The following NLRP9 variants were observed in gnomAD, a reference collection of about 807,000 sequenced individuals.
NLRP9 encodes NLR family pyrin domain containing 9.
NLRP9 carries 88 observed loss-of-function variants against 83.1 expected under a neutral mutation model. The observed-to-expected ratio is 1.06, with a 90% confidence interval of 0.89 to 1.26. The LOEUF is 1.26. Ranked by LOEUF, NLRP9 falls within the 50% of genes most tolerant of loss-of-function variation. The pLI is 0.00. For synonymous variants in NLRP9, 521 were observed against 447.6 expected, an observed-to-expected ratio of 1.16 and a Z score of -2.07; for missense variants, 1,308 against 1,179.3, an observed-to-expected ratio of 1.11 and a Z score of -1.60.
chr19:55,719,181 G>C (rs1314930076), intron 4 of NLRP9, among the ~76,000 whole-genome samples: 1 of 152,172 alleles, frequency 6.6e-6, no homozygotes, highest in African/African-American at 2.4e-5. Flanking sequence ...TGCTAGAGTG[G>C]ATCACAGACC....
Position 55,708,805 on chromosome 19 carries a change from A to G in NLRP9, c.*107T>C, listed in dbSNP as rs766905800. ...ACACTTAGGGAGTACCTCTGAAATC[A>G]CAGCCCTGCTGCCATGATGTGCAAT... On this transcript the variant is annotated 3_prime_UTR_variant, in exon 9 of 9. Coordinates refer to ENST00000332836, the MANE Select transcript of NLRP9 (RefSeq NM_176820.4). 1.7e-5 allele frequency: 12 copies of G among 723,282 alleles called. No homozygotes were observed. Among genetic ancestry groups the G allele is most frequent in the Non-Finnish European group, 2.4e-5 (11 of 453,198 alleles). 44.8% of individuals were successfully genotyped at this position (723,282 alleles called of 1,614,324 possible). A position where few individuals can be genotyped will look rare whatever the true frequency, so the allele number is the denominator to read the frequency against.
chr19:55,716,529 G>A (rs1988020122), intron 5 of NLRP9, among the ~76,000 whole-genome samples, 199 bp downstream of exon 5: 1 of 152,094 alleles, frequency 6.6e-6, no homozygotes, highest in Non-Finnish European at 1.5e-5. Context: ...AAAGTGCTGG[G>A]ATTACAGGCA....
intron 2 of NLRP9, among the ~76,000 whole-genome samples, chr19:55,730,386 C>T (rs909680726): frequency 4.0e-5 from 6 of 148,308 alleles, no homozygotes; most frequent in African/African-American, 1.5e-4. Context: ...CCCAGGAGTA[C>T]AAGACTAAAG....
intron 3 of NLRP9, among the ~76,000 whole-genome samples, chr19:55,729,298 C>A (rs1988500043): frequency 6.7e-6 from 1 of 150,324 alleles, no homozygotes; most frequent in South Asian, 2.1e-4. Context: ...AGGTTTGTTA[C>A]TTATGTATAC....
rs1239132746 is a variant in NLRP9 at position 55,712,547 on chromosome 19, C to A, written c.2545G>T (p.Ala849Ser). The A allele has an allele frequency of 6.2e-7, 1 of 1,612,592 alleles. No individual in the cohort carries two copies. The highest frequency in any genetic ancestry group is 8.5e-7 in the Non-Finnish European group (1 of 1,179,878). The change falls in exon 7 of 9, where the codon GCT becomes TCT. Residue 849 changes from alanine (A) to serine (S), a missense_variant. Ala to Ser is a moderately conservative substitution (Grantham distance 99). Coordinates refer to ENST00000332836, the MANE Select transcript of NLRP9 (RefSeq NM_176820.4). ...FLTSDSCKDIAAVLICNGKLK... is the reference protein window; with the variant it reads ...FLTSDSCKDISAVLICNGKLK... ...TTCCCATTGCAAATAAGAACAGCAG[C>A]AATGTCCTTACAGGAATCGGAAGTA...
In NLRP9 at chr19:55,733,017, G is replaced by T; in HGVS notation, c.814C>A (p.Leu272Ile). 2 of 1,614,018 alleles carry T rather than the reference G, an allele frequency of 1.2e-6. No homozygotes were observed. The highest frequency in any genetic ancestry group is 1.7e-6 in the Non-Finnish European group (2 of 1,180,002). The change falls in exon 2 of 9, where the codon CTT (leucine) becomes ATT (isoleucine). Residue 272 changes from leucine to isoleucine, a missense_variant. Leu to Ile is a conservative substitution (Grantham distance 5). Coordinates refer to ENST00000332836, the MANE Select transcript of NLRP9 (RefSeq NM_176820.4). ...ATAGCCAGTTTTCCTAATGCAATAA[G>T]GAGAGAGGATTCTGGAAGCATCTTT... The part of the protein sequence containing the change: ...QKKMLPESSL[L>I]IALGKLAMQK...
At chr19:55,725,311 G>C (rs1489736481) in intron 3 of NLRP9, among the ~76,000 whole-genome samples, 1 of 152,152 alleles carries the variant, frequency 6.6e-6, no homozygotes, top group East Asian at 1.9e-4. Flanking sequence ...TGATAAATGT[G>C]TATTTACAAA....
chr19:55,724,111 T>C lies in NLRP9; in HGVS notation c.2028A>G (p.Glu676=). The C allele has an allele frequency of 1.2e-6, 2 of 1,613,254 alleles. No homozygotes were observed. Among genetic ancestry groups the C allele is most frequent in the Non-Finnish European group, 1.7e-6 (2 of 1,179,482 alleles). Residue 676 remains glutamate (E), a synonymous_variant, in exon 4 of 9, where the codon GAA becomes GAG. Transcript: ENST00000332836. Reference sequence around the variant, plus strand: ...GGTTGTGAAGAACTGCCTTAAATAATTCTGAATCATGTCCAAAGTACACAG... The same window carrying C: ...GGTTGTGAAGAACTGCCTTAAATAACTCTGAATCATGTCCAAAGTACACAG... ...FTSVYFGHDS[E]LFKAVLHNPH...
rs1377260882 is a variant in NLRP9 at position 55,716,954 on chromosome 19, C to T, written c.2160-56G>A. The T allele has an allele frequency of 2.8e-6, 4 of 1,444,744 alleles. No homozygotes were observed. In the Admixed American group the frequency reaches 5.1e-5, roughly 18 times the overall value. The allele number at this position is 1,444,744 out of a possible 1,614,324, so 89.5% of individuals were successfully genotyped here. ...CCAAAGCTTTCAATCGCTCATGAAA[C>T]ATTATCCACAGACCAAACGACACCT... On this transcript the variant is annotated intron_variant, in intron 4 of 8. Transcript: ENST00000332836.
intron 4 of NLRP9, among the ~76,000 whole-genome samples, chr19:55,721,975 T>C (rs112267164): frequency 1.1e-3 from 170 of 152,290 alleles, no homozygotes; most frequent in African/African-American, 3.8e-3. Flanking sequence ...GGTATGTCTA[T>C]CAGCAGTGTG....
At chr19:55,731,237 G>A (rs989860503) in intron 2 of NLRP9, among the ~76,000 whole-genome samples, 1 of 151,936 alleles carries the variant, frequency 6.6e-6, no homozygotes, top group African/African-American at 2.4e-5. Context: ...AAAGGCATAT[G>A]GAAAAAATGC....
chr19:55,711,118 AC>A (rs397800284), intron 8 of NLRP9, among the ~76,000 whole-genome samples: 1 of 151,256 alleles, frequency 6.6e-6, no homozygotes, highest in Non-Finnish European at 1.5e-5. Flanking sequence ...CAAAAAAAAA[AC>A]CTTAAACAAC....
chr19:55,727,642 A>C (rs908107384), intron 3 of NLRP9, among the ~76,000 whole-genome samples: 2 of 151,948 alleles, frequency 1.3e-5, no homozygotes, highest in African/African-American at 2.4e-5. Flanking sequence ...TCCACTTTTT[A>C]CTCTCCATGT....
rs755851704 is a variant in NLRP9 at position 55,733,418 on chromosome 19, G to A, written c.413C>T (p.Ala138Val). ...GTGTCGTCTAGCCGCAGCAGTATAT[G>A]CGTCATTCAATTCTTTATACTCATT... The part of the protein sequence containing the change: ...MKNEYKELND[A>V]YTAAARRHTV... Residue 138 changes from alanine to valine, a missense_variant, in exon 2 of 9, where the codon GCA becomes GTA. By Grantham distance (64) the Ala-to-Val change is moderately conservative. Transcript: ENST00000332836. The A allele has an allele frequency of 1.9e-6, 3 of 1,613,888 alleles. No individual in the cohort carries two copies. Among genetic ancestry groups the A allele is most frequent in the East Asian group, 2.2e-5 (1 of 44,890 alleles).
At position 55,732,441 on chromosome 19, in the gene NLRP9, C is replaced by G; in HGVS notation, c.1390G>C (p.Asp464His). 1 of 1,614,230 alleles carries G rather than the reference C, an allele frequency of 6.2e-7. No homozygotes were observed. Among genetic ancestry groups the G allele is most frequent in the Non-Finnish European group, 8.5e-7 (1 of 1,180,038 alleles). ...AMFYLLKRPK[D>H]DPNPAIGSIT... ...CTTCCAATGGCCGGGTTAGGATCGT[C>G]TTTGGGTCGTTTGAGCAAATAAAAC... is the stretch of plus-strand genomic sequence containing the variant. Residue 464 changes from aspartate (D) to histidine (H), a missense_variant, in exon 2 of 9, where the codon GAC (aspartate) becomes CAC (histidine). Asp to His is a moderately conservative substitution (Grantham distance 81). Coordinates refer to ENST00000332836, the MANE Select transcript of NLRP9 (RefSeq NM_176820.4).
intron 6 of NLRP9, 71 bp downstream of exon 6, chr19:55,714,982 CTA>C: frequency 7.2e-7 from 1 of 1,397,850 alleles, no homozygotes; most frequent in South Asian, 1.3e-5. Context: ...TATCCCTTTC[CTA>C]TGTCTTTCCT....
rs1988596348 is a variant in NLRP9 at position 55,732,270 on chromosome 19, G to C, written c.1561C>G (p.Gln521Glu). 1 of 1,613,968 alleles carries C rather than the reference G, an allele frequency of 6.2e-7. No individual in the cohort carries two copies. The highest frequency in any genetic ancestry group is 1.3e-5 in the African/African-American group (1 of 74,914). The change falls in exon 2 of 9, where the codon CAG becomes GAG. Residue 521 changes from glutamine to glutamate, a missense_variant. Gln to Glu is a conservative substitution (Grantham distance 29). Coordinates refer to ENST00000332836, the MANE Select transcript of NLRP9 (RefSeq NM_176820.4). Reference protein sequence around the residue: ...FGFPLSKDLKQEITQCLESLS... With the variant: ...FGFPLSKDLKEEITQCLESLS... ...CTTTCAAGGCATTGGGTTATTTCCT[G>C]CTTTAGGTCTTTTGACAGTGGAAAA... is the stretch of plus-strand genomic sequence containing the variant.
At chr19:55,711,176 C>G (rs925839313) in intron 8 of NLRP9, among the ~76,000 whole-genome samples, 7 of 151,840 alleles carry the variant, frequency 4.6e-5, no homozygotes, top group African/African-American at 1.7e-4. Context: ...AATTCATGTA[C>G]TCATCACCAA....
At chr19:55,731,330 A>G (rs1038474234) in intron 2 of NLRP9, among the ~76,000 whole-genome samples, 2 of 151,946 alleles carry the variant, frequency 1.3e-5, no homozygotes, top group Non-Finnish European at 2.9e-5. Flanking sequence ...GAGGGGGAAA[A>G]GAAAAGCACA....
Sources: allele counts gnomAD v4.1 joint callset (sites outside exome capture counted in the v4.1 genomes callset), GRCh38; gene constraint gnomAD v4.1.1; transcripts MANE v1.5; gene names NCBI Gene and HGNC (gene_info 2026-07-23, HGNC 2026-07-21).